KLC4: variants seen among roughly 807,000 people sequenced by gnomAD.
The protein encoded by KLC4 is kinesin-like protein 8.
A neutral mutation model predicts 77.2 loss-of-function variants in KLC4; 49 were observed. The ratio of observed to expected loss-of-function variants is 0.63; its 90% CI spans 0.50 to 0.80. The LOEUF (loss-of-function observed/expected upper bound fraction) is 0.80, where lower values mean the gene tolerates loss of function less well. Among genes scored for constraint, KLC4 ranks in the 30% least tolerant of loss-of-function variants. The probability of loss-of-function intolerance (pLI) is 0.00; values close to 1 mark genes in which losing one functional copy is unlikely to be tolerated. For missense variants in KLC4, 669 were observed against 793.5 expected (o/e 0.84, Z 1.89); for synonymous variants, 274 against 314.5 (o/e 0.87, Z 1.36).
intron 9 of KLC4, 66 bp downstream of exon 9, chr6:43,071,440 G>T: frequency 6.5e-7 from 1 of 1,549,718 alleles, no homozygotes. Context: ...AAGGTCGGGG[G>T]TTAGGCCACA....
chr6:43,071,186 G>C, intron 8 of KLC4, 89 bp from the exon 9 acceptor site: 1 of 774,908 alleles, frequency 1.3e-6, no homozygotes, highest in East Asian at 2.6e-5. Context: ...CCTGAGCCTG[G>C]TGAAGACCTT....
At chr6:43,069,445 A>G (rs1222072447) in intron 6 of KLC4, among the ~76,000 whole-genome samples, 2 of 152,046 alleles carry the variant, frequency 1.3e-5, no homozygotes, top group Non-Finnish European at 2.9e-5. Flanking sequence ...GGTTTTCACC[A>G]TGTTGGTCAG....
chr6:43,061,712 T>C, intron 2 of KLC4, 119 bp downstream of exon 2: 2 of 1,030,492 alleles, frequency 1.9e-6, no homozygotes, highest in Non-Finnish European at 2.8e-6. Flanking sequence ...ATTCATTAAA[T>C]ATGTATTAAG....
In KLC4 at chr6:43,066,984, G is replaced by A. The variant is rs767386602; in HGVS notation, c.792-12G>A. ...GTTCAGGGTAACTCCTGTCACTTTTGTCTTCTTCCAGTGACCAGAATAAGT... is the reference window on the plus strand; with the variant it reads ...GTTCAGGGTAACTCCTGTCACTTTTATCTTCTTCCAGTGACCAGAATAAGT... On this transcript the variant is annotated splice_polypyrimidine_tract_variant and intron_variant, in intron 5 of 15. Coordinates refer to ENST00000347162, the MANE Select transcript of KLC4 (RefSeq NM_201521.3). The A allele has an allele frequency of 9.3e-6, 15 of 1,608,338 alleles. No homozygotes were observed. In the East Asian group the frequency reaches 3.1e-4, roughly 34 times the overall value.
intron 6 of KLC4, chr6:43,067,314 T>C (rs1319315468): frequency 1.1e-6 from 1 of 937,018 alleles, no homozygotes; most frequent in African/African-American, 1.7e-5. Context: ...ATTTAATTAA[T>C]AGATAAGTCA....
At position 43,072,155 on chromosome 6, in the gene KLC4, T is replaced by C. The variant is rs1765762856; in HGVS notation, c.1388T>C (p.Val463Ala). 2 of 1,613,652 alleles carry C rather than the reference T, an allele frequency of 1.2e-6. No individual in the cohort carries two copies. The highest frequency in any genetic ancestry group is 1.3e-5 in the African/African-American group (1 of 74,890). ...TCTCTTTCTCACCACAGCCCCACAG[T>C]GAACACTACTCTGAGAAACCTGGGA... ...YKACKVSSPT[V>A]NTTLRNLGAL... The change falls in exon 12 of 16, where the codon GTG (valine) becomes GCG (alanine). Residue 463 changes from valine (V) to alanine (A), a missense_variant. Transcript: ENST00000347162.
Position 43,073,355 on chromosome 6 carries a change from A to G in KLC4, c.1745+17A>G. 6.3e-7 allele frequency: 1 copy of G among 1,582,100 alleles called. No individual in the cohort carries two copies. The highest frequency in any genetic ancestry group is 8.7e-7 in the Non-Finnish European group (1 of 1,152,998). ...GCCCTCCAGGTATACATGGAAGTCA[A>G]GATACAGTAAAGTGGCCGGGTGCAG... On this transcript the variant is annotated intron_variant, in intron 14 of 15. Coordinates refer to ENST00000347162, the MANE Select transcript of KLC4 (RefSeq NM_201521.3).
intron 1 of KLC4, 174 bp from the exon 2 acceptor site, chr6:43,061,137 C>T: frequency 1.5e-6 from 1 of 652,050 alleles, no homozygotes; most frequent in Non-Finnish European, 2.6e-6. Flanking sequence ...ACAACCTTAG[C>T]TTTGAGTTTA....
In KLC4 at chr6:43,074,775, A is replaced by T. The variant is rs1765909382; in HGVS notation, c.*103A>T. ...TTCCCCACCCCTAGGTGGGACAGTG[A>T]AGGGGAGCAGTTTAACCAGAAGATT... On this transcript the variant is annotated 3_prime_UTR_variant, in exon 16 of 16. Transcript: ENST00000347162. The T allele has an allele frequency of 1.1e-6, 1 of 944,964 alleles. No homozygotes were observed. 58.5% of individuals were successfully genotyped at this position (944,964 alleles called of 1,614,324 possible).
rs1272018922 is a variant in KLC4 at position 43,066,513 on chromosome 6, C to T, written c.779C>T (p.Ala260Val). 2 of 1,612,712 alleles carry T rather than the reference C, an allele frequency of 1.2e-6. No homozygotes were observed. The highest frequency in any genetic ancestry group is 1.1e-5 in the South Asian group (1 of 91,050). ...GTCGCCACCATGCTCAACATCCTTGCTTTGGTGTATCGGTGAGGACTTCCC... is the reference window on the plus strand; with the variant it reads ...GTCGCCACCATGCTCAACATCCTTGTTTTGGTGTATCGGTGAGGACTTCCC... ...PDVATMLNIL[A>V]LVYRDQNKYK... Residue 260 changes from alanine to valine, a missense_variant, in exon 5 of 16, where the codon GCT becomes GTT. Transcript: ENST00000347162.
At chr6:43,063,787 C>A (rs1259402624) in intron 3 of KLC4, among the ~76,000 whole-genome samples, 1 of 151,924 alleles carries the variant, frequency 6.6e-6, no homozygotes, top group East Asian at 1.9e-4. Context: ...CTCCTGACCT[C>A]AGGTGGTCTG....
rs889337785 is a variant in KLC4 at position 43,072,317 on chromosome 6, G to A, written c.1488+62G>A. The A allele has an allele frequency of 4.3e-5, 55 of 1,291,266 alleles. No homozygotes were observed. The Middle Eastern group carries it at 5.9e-4, about 14-fold the overall frequency. 80.0% of individuals were successfully genotyped at this position (1,291,266 alleles called of 1,614,324 possible). ...AGGGCCCTGGGGATGAGAGAGTGCC[G>A]AGGTTTCTTGGGAGTCTCCTAAGAA... On this transcript the variant is annotated intron_variant, in intron 12 of 15. Coordinates refer to ENST00000347162, the MANE Select transcript of KLC4 (RefSeq NM_201521.3).
chr6:43,071,235 C>G, intron 8 of KLC4, 40 bp from the exon 9 acceptor site: 1 of 1,277,436 alleles, frequency 7.8e-7, no homozygotes, highest in Non-Finnish European at 1.1e-6. Flanking sequence ...TTGCCTCCCT[C>G]CATGTTTTGT....
chr6:43,060,674 G>A (rs1238255613), intron 1 of KLC4: 1 of 1,052,050 alleles, frequency 9.5e-7, no homozygotes, highest in Non-Finnish European at 1.2e-6. Context: ...GAGTCCTGGG[G>A]GGTGGGAAGT....
At position 43,069,425 on chromosome 6, in the gene KLC4, A is replaced by AGCCAT. The variant is rs1416366205; in HGVS notation, c.880-928_880-927insCCATG. Among the ~76,000 whole-genome samples, 6 of 152,134 alleles carry AGCCAT rather than the reference A, an allele frequency of 3.9e-5. No individual in the cohort carries two copies. The East Asian group carries it at 1.2e-3, about 29-fold the overall frequency. The stretch of plus-strand genomic sequence containing the variant: ...ACGCCAGGCTAATTTTTGTATTTTT[A>AGCCAT]GTAGAGATGGGTTTTCACCATGTTG... On this transcript the variant is annotated intron_variant, in intron 6 of 15. Coordinates refer to ENST00000347162, the MANE Select transcript of KLC4 (RefSeq NM_201521.3).
chr6:43,070,932 GGC>G, intron 8 of KLC4, 67 bp downstream of exon 8: 2 of 471,194 alleles, frequency 4.2e-6, no homozygotes, highest in South Asian at 2.0e-5. Context: ...GGGGAGGGGG[GGC>G]AGGCGGAGAG....
intron 14 of KLC4, 59 bp downstream of exon 14, chr6:43,073,397 T>C: frequency 7.9e-7 from 1 of 1,273,674 alleles, no homozygotes. Flanking sequence ...ACGCCTGTAA[T>C]CCCAGCACTT....
intron 6 of KLC4, 100 bp from the exon 7 acceptor site, chr6:43,070,254 G>A (rs374615750): frequency 3.6e-5 from 27 of 745,984 alleles, no homozygotes; most frequent in Non-Finnish European, 6.0e-5. Context: ...TCTTAGAGTT[G>A]TGCAGTGAGT....
Position 43,065,671 on chromosome 6 carries a change from A to G in KLC4, c.541A>G (p.Asn181Asp). Residue 181 changes from asparagine to aspartate, a missense_variant, in exon 4 of 16, where the codon AAT becomes GAT. Transcript: ENST00000347162. ...TKDSLDDLFP[N>D]EEEEDPSNGL... ...GGATTCCCTGGATGACCTCTTTCCT[A>G]ATGAGGAGGAAGAGGACCCCAGCAA... The G allele has an allele frequency of 7.4e-6, 12 of 1,613,610 alleles. No homozygotes were observed. The highest frequency in any genetic ancestry group is 1.0e-5 in the Non-Finnish European group (12 of 1,179,608).
Sources: allele counts gnomAD v4.1 joint callset (sites outside exome capture counted in the v4.1 genomes callset), GRCh38; gene constraint gnomAD v4.1.1; transcripts MANE v1.5; gene names NCBI Gene and HGNC (gene_info 2026-07-23, HGNC 2026-07-21).